PDGFC: variants seen among roughly 807,000 people sequenced by gnomAD.
PDGFC encodes platelet derived growth factor C.
PDGFC carries 12 observed loss-of-function variants against 35.5 expected under a neutral mutation model. That is an observed-to-expected ratio of 0.34 (90% CI 0.22 to 0.55). The LOEUF is 0.55. PDGFC is among the 20% of genes least tolerant of loss of function. The pLI, the probability that PDGFC is intolerant of heterozygous loss-of-function variation, is 0.91. For synonymous variants in PDGFC, 159 were observed against 148.8 expected, an observed-to-expected ratio of 1.07 and a Z score of -0.50; for missense variants, 322 against 412.4, an observed-to-expected ratio of 0.78 and a Z score of 1.90.
chr4:156,843,102 C>A (rs1406807636), intron 2 of PDGFC, among the ~76,000 whole-genome samples: 2 of 152,126 alleles, frequency 1.3e-5, no homozygotes, highest in African/African-American at 2.4e-5. Flanking sequence ...ATGTGAAATC[C>A]TAACCCCTAA....
chr4:156,864,695 A>C (rs1369183819), intron 1 of PDGFC, among the ~76,000 whole-genome samples: 3 of 152,150 alleles, frequency 2.0e-5, no homozygotes, highest in Non-Finnish European at 4.4e-5. Flanking sequence ...CACCATTATG[A>C]TAAAGAGCAT....
intron 1 of PDGFC, among the ~76,000 whole-genome samples, chr4:156,919,834 A>G (rs1366097615): frequency 6.6e-6 from 1 of 152,154 alleles, no homozygotes; most frequent in Non-Finnish European, 1.5e-5. Context: ...AGCCTGATAC[A>G]CTTTGTATAT....
At chr4:156,793,533 G>T (rs577375428) in intron 3 of PDGFC, among the ~76,000 whole-genome samples, 3 of 82,600 alleles carry the variant, frequency 3.6e-5, no homozygotes, top group East Asian at 5.6e-4. Context: ...TGAATTATGT[G>T]CATATATATA....
chr4:156,964,774 T>C (rs1030171727), intron 1 of PDGFC, among the ~76,000 whole-genome samples: 4 of 152,180 alleles, frequency 2.6e-5, no homozygotes, highest in East Asian at 3.9e-4. Context: ...TTCTGCTCTC[T>C]AGGCCTCAAT....
chr4:156,836,396 T>C lies in PDGFC; in HGVS notation c.314+13825A>G, dbSNP rs79258004. Among the ~76,000 whole-genome samples, 1,019 of 152,328 alleles carry C rather than the reference T, an allele frequency of 6.7e-3. 16 individuals carry two copies. Among genetic ancestry groups the C allele is most frequent in the African/African-American group, 0.023 (961 of 41,558 alleles). On this transcript the variant is annotated intron_variant, in intron 2 of 5. Transcript: ENST00000502773. The stretch of plus-strand genomic sequence containing the variant: ...TAAAAAAGTTACATTTAAATGAGGA[T>C]CTTTTCATAAATTTTTCTTTACATA...
At chr4:156,893,716 T>C (rs537623803) in intron 1 of PDGFC, among the ~76,000 whole-genome samples, 11 of 151,782 alleles carry the variant, frequency 7.2e-5, no homozygotes, top group Admixed American at 1.3e-4. Context: ...ACTGCTCAGA[T>C]TGGTCTGTTA....
chr4:156,831,974 T>A (rs1471053295), intron 2 of PDGFC, among the ~76,000 whole-genome samples: 1 of 152,182 alleles, frequency 6.6e-6, no homozygotes, highest in Non-Finnish European at 1.5e-5. Flanking sequence ...TTTAATTCCA[T>A]GGTCTATTTA....
rs1308127016 is a variant in PDGFC at position 156,891,338 on chromosome 4, T to C, written c.119-40922A>G. Among the ~76,000 whole-genome samples the C allele has an allele frequency of 2.9e-5, 4 of 135,758 alleles. 1 individual carries two copies. The highest frequency in any genetic ancestry group is 1.1e-4 in the African/African-American group (4 of 36,810). 89.1% of individuals were successfully genotyped at this position (135,758 alleles called of 152,430 possible). A position where few individuals can be genotyped will look rare whatever the true frequency, so the allele number is the denominator to read the frequency against. Reference sequence around the variant, plus strand: ...AAAAAAAAAAAAAGGAAAAATACAGTGTTATTATCCTATGGGACCATCTTC... The same window carrying C: ...AAAAAAAAAAAAAGGAAAAATACAGCGTTATTATCCTATGGGACCATCTTC... On this transcript the variant is annotated intron_variant, in intron 1 of 5. Transcript: ENST00000502773.
At chr4:156,850,790 A>G (rs1729434949) in intron 1 of PDGFC, among the ~76,000 whole-genome samples, 1 of 150,116 alleles carries the variant, frequency 6.7e-6, no homozygotes, top group Non-Finnish European at 1.5e-5. Flanking sequence ...ATATAATTCT[A>G]TTTTAAAAAA....
chr4:156,918,214 T>A (rs1262424383), intron 1 of PDGFC, among the ~76,000 whole-genome samples: 1 of 152,220 alleles, frequency 6.6e-6, no homozygotes, highest in Non-Finnish European at 1.5e-5. Context: ...CTATTCCTTT[T>A]CTCACAAATT....
chr4:156,830,107 C>T (rs1728891493), intron 2 of PDGFC, among the ~76,000 whole-genome samples: 1 of 151,966 alleles, frequency 6.6e-6, no homozygotes, highest in Non-Finnish European at 1.5e-5. Context: ...TTTACTTACT[C>T]TGATTTCAAT....
At chr4:156,857,331 G>A (rs538673210) in intron 1 of PDGFC, among the ~76,000 whole-genome samples, 4 of 152,052 alleles carry the variant, frequency 2.6e-5, no homozygotes, top group Non-Finnish European at 4.4e-5. Flanking sequence ...CTGATTTTAC[G>A]AACATCAAAT....
At chr4:156,821,589 C>G (rs1732262221) in intron 2 of PDGFC, among the ~76,000 whole-genome samples, 1 of 151,888 alleles carries the variant, frequency 6.6e-6, no homozygotes, top group African/African-American at 2.4e-5. Flanking sequence ...GCTCTGTAGC[C>G]CAGGCTGGAG....
intron 1 of PDGFC, among the ~76,000 whole-genome samples, chr4:156,882,820 CA>C (rs1730274870): frequency 6.6e-6 from 1 of 152,116 alleles, no homozygotes; most frequent in African/African-American, 2.4e-5. Context: ...CATGGTGGCT[CA>C]CGCCTGTAAT....
chr4:156,771,806 G>A (rs1201479498), intron 4 of PDGFC, among the ~76,000 whole-genome samples: 1 of 152,152 alleles, frequency 6.6e-6, no homozygotes, highest in African/African-American at 2.4e-5. Context: ...GGCTGTCACT[G>A]CATTCTCCAA....
intron 2 of PDGFC, among the ~76,000 whole-genome samples, chr4:156,833,474 T>G (rs961242916): frequency 6.6e-6 from 1 of 152,246 alleles, no homozygotes; most frequent in South Asian, 2.1e-4. Flanking sequence ...CAAACAGTTT[T>G]GGAATGGAGT....
At chr4:156,833,528 A>G (rs922546285) in intron 2 of PDGFC, among the ~76,000 whole-genome samples, 1 of 152,252 alleles carries the variant, frequency 6.6e-6, no homozygotes, top group Non-Finnish European at 1.5e-5. Context: ...ATCATCAAAT[A>G]AGAGTAAATT....
At chr4:156,849,063 A>G (rs1012319756) in intron 2 of PDGFC, among the ~76,000 whole-genome samples, 2 of 152,042 alleles carry the variant, frequency 1.3e-5, no homozygotes, top group African/African-American at 4.8e-5. Context: ...TTATGTTTAT[A>G]TATAAAAAAA....
intron 1 of PDGFC, among the ~76,000 whole-genome samples, chr4:156,922,903 C>T (rs1731320701): frequency 6.6e-6 from 1 of 152,188 alleles, no homozygotes; most frequent in South Asian, 2.1e-4. Context: ...CAATTCCATT[C>T]ACCCTGACCA....
Sources: allele counts gnomAD v4.1 joint callset (sites outside exome capture counted in the v4.1 genomes callset), GRCh38; gene constraint gnomAD v4.1.1; transcripts MANE v1.5; gene names NCBI Gene and HGNC (gene_info 2026-07-23, HGNC 2026-07-21).